The following CACNB4 variants were observed in gnomAD, a reference collection of about 807,000 sequenced individuals.
CACNB4 encodes the protein voltage-dependent L-type calcium channel subunit beta-4.
CACNB4 carries 32 observed loss-of-function variants against 71.2 expected under a neutral mutation model. The observed-to-expected ratio is 0.45, with a 90% CI of 0.34 to 0.60. The LOEUF is 0.60. Ranked by LOEUF, CACNB4 falls within the 20% of genes least tolerant of loss-of-function variation. The pLI, the probability that CACNB4 is intolerant of heterozygous loss-of-function variation, is 0.01. For synonymous variants in CACNB4, 231 were observed against 236.9 expected, an observed-to-expected ratio of 0.97 and a Z score of 0.23; for missense variants, 464 against 647.9, an observed-to-expected ratio of 0.72 and a Z score of 3.08.
chr2:152,006,204 C>T (rs1682714547), intron 2 of CACNB4, among the ~76,000 whole-genome samples: 1 of 152,060 alleles, frequency 6.6e-6, no homozygotes, highest in South Asian at 2.1e-4. Context: ...CCATCAGTGG[C>T]CCACATTGCC....
intron 12 of CACNB4, chr2:151,850,610 T>C (rs779376603): frequency 3.3e-5 from 5 of 152,152 alleles, no homozygotes; most frequent in Admixed American, 2.0e-4. Flanking sequence ...AATGAGGAGA[T>C]TGGACTAAGT....
At chr2:151,912,730 C>G (rs1424181146) in intron 2 of CACNB4, among the ~76,000 whole-genome samples, 2 of 151,806 alleles carry the variant, frequency 1.3e-5, no homozygotes, top group Non-Finnish European at 2.9e-5. Context: ...TGTTAATTTT[C>G]TGTCTCGTTG....
intron 2 of CACNB4, among the ~76,000 whole-genome samples, chr2:151,991,709 G>A (rs1171439261): frequency 6.6e-6 from 1 of 151,892 alleles, no homozygotes; most frequent in African/African-American, 2.4e-5. Context: ...TATTTTTCTG[G>A]CTTCCATTTT....
intron 2 of CACNB4, among the ~76,000 whole-genome samples, chr2:152,040,923 A>G (rs183550897): frequency 1.5e-4 from 23 of 152,306 alleles, no homozygotes; most frequent in African/African-American, 5.3e-4. Context: ...CTAGTGAGAA[A>G]ATGTCCACAT....
chr2:151,892,342 T>C (rs949205556), intron 2 of CACNB4, among the ~76,000 whole-genome samples: 2 of 151,056 alleles, frequency 1.3e-5, no homozygotes, highest in Non-Finnish European at 2.9e-5. Flanking sequence ...CCCCTAAAAG[T>C]AGCTTCAGGC....
At chr2:151,993,307 C>A (rs1212578827) in intron 2 of CACNB4, among the ~76,000 whole-genome samples, 1 of 152,028 alleles carries the variant, frequency 6.6e-6, no homozygotes, top group Non-Finnish European at 1.5e-5. Flanking sequence ...ACCCAAGAAG[C>A]CCAGACCTAC....
At chr2:152,022,700 G>C (rs1347825668) in intron 2 of CACNB4, among the ~76,000 whole-genome samples, 1 of 151,988 alleles carries the variant, frequency 6.6e-6, no homozygotes, top group Non-Finnish European at 1.5e-5. Flanking sequence ...TTAGACTCTT[G>C]GTATGATTTT....
intron 2 of CACNB4, among the ~76,000 whole-genome samples, chr2:152,089,645 T>A (rs917224119): frequency 6.6e-5 from 10 of 152,160 alleles, no homozygotes; most frequent in Non-Finnish European, 1.3e-4. Context: ...TTAAAAAGCA[T>A]GCAAAGCCAA....
chr2:151,907,753 G>T (rs1278189837), intron 2 of CACNB4, among the ~76,000 whole-genome samples: 1 of 152,196 alleles, frequency 6.6e-6, no homozygotes, highest in Non-Finnish European at 1.5e-5. Context: ...TCTCTGACAT[G>T]TGATGGATAG....
At chr2:151,902,889 T>G (rs1267676228) in intron 2 of CACNB4, among the ~76,000 whole-genome samples, 2 of 152,224 alleles carry the variant, frequency 1.3e-5, no homozygotes, top group African/African-American at 4.8e-5. Context: ...CTATACAGAA[T>G]TCTTTTGAAC....
chr2:151,859,698 C>T (rs1460293948), intron 10 of CACNB4: 1 of 152,188 alleles, frequency 6.6e-6, no homozygotes, highest in Non-Finnish European at 1.5e-5. Context: ...CTGACCACTA[C>T]TCTATTTGGT....
chr2:152,020,980 C>T (rs1297626016), intron 2 of CACNB4, among the ~76,000 whole-genome samples: 2 of 152,158 alleles, frequency 1.3e-5, no homozygotes, highest in East Asian at 1.9e-4. Flanking sequence ...TAGCTGGGTG[C>T]GGTGGTTCAC....
At chr2:151,859,024 T>C (rs1366664120) in intron 10 of CACNB4, 2 of 152,226 alleles carry the variant, frequency 1.3e-5, no homozygotes, top group Non-Finnish European at 1.5e-5. Flanking sequence ...TCTAGCACAA[T>C]GCATGGCACA....
At chr2:152,046,561 C>T (rs1348228967) in intron 2 of CACNB4, among the ~76,000 whole-genome samples, 1 of 152,090 alleles carries the variant, frequency 6.6e-6, no homozygotes, top group Admixed American at 6.5e-5. Flanking sequence ...TGGTTTAATT[C>T]TCCACCGTGA....
In CACNB4 at chr2:151,982,497, G is replaced by A. The variant is rs182373060; in HGVS notation, c.148-99127C>T. 1.1e-3 allele frequency among the ~76,000 whole-genome samples: 174 copies of A among 152,256 alleles called. 1 individual carries two copies. The highest frequency in any genetic ancestry group is 2.9e-3 in the African/African-American group (122 of 41,566). On this transcript the variant is annotated intron_variant, in intron 2 of 13. Coordinates refer to ENST00000539935, the MANE Select transcript of CACNB4 (RefSeq NM_000726.5). ...AAATACAAAAAAATCAGCCAGGCGTGGTGGCTGGCGCCTGTAGTCCCAGCT... is the reference window on the plus strand; with the variant it reads ...AAATACAAAAAAATCAGCCAGGCGTAGTGGCTGGCGCCTGTAGTCCCAGCT...
chr2:151,954,850 C>CTTTTTTTTTTT, intron 2 of CACNB4, among the ~76,000 whole-genome samples: 1 of 94,928 alleles, frequency 1.1e-5, no homozygotes, highest in Non-Finnish European at 1.9e-5. Flanking sequence ...CAAGTCAGCA[C>CTTTTTTTTTTT]TTTTTTTTTT....
At chr2:151,959,838 T>C (rs1264709916) in intron 2 of CACNB4, among the ~76,000 whole-genome samples, 1 of 152,236 alleles carries the variant, frequency 6.6e-6, no homozygotes, top group Non-Finnish European at 1.5e-5. Flanking sequence ...CCTGTTATAA[T>C]ATCTTGCATA....
intron 11 of CACNB4, chr2:151,854,396 G>A (rs1275090084): frequency 6.6e-6 from 1 of 152,206 alleles, no homozygotes; most frequent in Non-Finnish European, 1.5e-5. Flanking sequence ...TGGAAGGCTA[G>A]GATCTCAGAA....
At chr2:151,985,283 C>T (rs950741670) in intron 2 of CACNB4, among the ~76,000 whole-genome samples, 1 of 152,096 alleles carries the variant, frequency 6.6e-6, no homozygotes, top group South Asian at 2.1e-4. Context: ...GCAGTAACAA[C>T]ATAAGTGTTC....
Sources: allele counts gnomAD v4.1 joint callset (sites outside exome capture counted in the v4.1 genomes callset), GRCh38; gene constraint gnomAD v4.1.1; transcripts MANE v1.5; gene names NCBI Gene and HGNC (gene_info 2026-07-23, HGNC 2026-07-21).